FOXP2: variants seen among roughly 807,000 people sequenced by gnomAD.
The protein encoded by FOXP2 is forkhead box P2, also known as forkhead box protein P2.
FOXP2 carries 12 observed loss-of-function variants against 115.8 expected under a neutral mutation model. That is an observed-to-expected ratio of 0.10 (90% CI 0.07 to 0.17). The LOEUF is 0.17. Among genes scored for constraint, FOXP2 ranks in the 10% least tolerant of loss-of-function variants. The pLI, the probability that FOXP2 is intolerant of heterozygous loss-of-function variation, is 1.00. For synonymous variants in FOXP2, 328 were observed against 297.7 expected (o/e 1.10, Z -1.05); for missense variants, 629 against 843.5 (o/e 0.75, Z 3.15).
At chr7:114,662,460 A>C (rs1163457590) in intron 14 of FOXP2, among the ~76,000 whole-genome samples, 1 of 152,110 alleles carries the variant, frequency 6.6e-6, no homozygotes, top group Non-Finnish European at 1.5e-5. Context: ...AAGATGGAAC[A>C]TGCTTTCTAG....
intron 1 of FOXP2, among the ~76,000 whole-genome samples, chr7:114,119,345 T>C (rs1409222545): frequency 6.6e-6 from 1 of 152,166 alleles, no homozygotes; most frequent in Non-Finnish European, 1.5e-5. Flanking sequence ...AGCTAGGTTG[T>C]CTGATCATGG....
chr7:114,490,134 G>A (rs1420915027), intron 2 of FOXP2, among the ~76,000 whole-genome samples: 1 of 151,968 alleles, frequency 6.6e-6, no homozygotes, highest in Non-Finnish European at 1.5e-5. Flanking sequence ...TTTATAGTAG[G>A]GTTAATTATA....
At chr7:114,329,819 G>T (rs1462275635) in intron 2 of FOXP2, among the ~76,000 whole-genome samples, 1 of 151,948 alleles carries the variant, frequency 6.6e-6, no homozygotes, top group East Asian at 1.9e-4. Flanking sequence ...TGGGATTACA[G>T]GCACGTGCCA....
chr7:114,496,279 T>C (rs1392637230), intron 2 of FOXP2, among the ~76,000 whole-genome samples: 1 of 152,172 alleles, frequency 6.6e-6, no homozygotes, highest in Non-Finnish European at 1.5e-5. Context: ...AATTTACTAC[T>C]AACATAATAC....
Position 114,476,389 on chromosome 7 carries a change from A to T in FOXP2, c.168+49710A>T, listed in dbSNP as rs180757382. ...TTATTGAATAGGGAGTTCTTTTCCC[A>T]TGCTTATTTTTGTTGACTTTGTTGA... On this transcript the variant is annotated intron_variant, in intron 2 of 16. Coordinates refer to ENST00000350908, the MANE Select transcript of FOXP2 (RefSeq NM_014491.4). 6.6e-5 allele frequency among the ~76,000 whole-genome samples: 10 copies of T among 151,974 alleles called. No individual in the cohort carries two copies. In the East Asian group the frequency reaches 1.9e-3, roughly 29 times the overall value.
intron 1 of FOXP2, among the ~76,000 whole-genome samples, chr7:114,285,113 A>G (rs879477740): frequency 2.6e-5 from 4 of 152,170 alleles, no homozygotes; most frequent in Non-Finnish European, 5.9e-5. Flanking sequence ...AATAGTCTGT[A>G]TAAGAAGTCC....
At chr7:114,337,879 T>C (rs1035116590) in intron 2 of FOXP2, among the ~76,000 whole-genome samples, 1 of 151,248 alleles carries the variant, frequency 6.6e-6, no homozygotes, top group Non-Finnish European at 1.5e-5. Flanking sequence ...GTCCACACTC[T>C]TTCATAACCA....
At position 114,465,031 on chromosome 7, in the gene FOXP2, G is replaced by A. The variant is rs149756869; in HGVS notation, c.168+38352G>A. On this transcript the variant is annotated intron_variant, in intron 2 of 16. Coordinates refer to ENST00000350908, the MANE Select transcript of FOXP2 (RefSeq NM_014491.4). ...TTTTCCATCTATTTCACATTATATG[G>A]ATACTGTCTTAGAAGATGTGGACAT... is the stretch of plus-strand genomic sequence containing the variant. Among the ~76,000 whole-genome samples the A allele has an allele frequency of 5.9e-3, 892 of 152,182 alleles. 7 individuals carry two copies. Among genetic ancestry groups the A allele is most frequent in the African/African-American group, 0.02 (828 of 41,498 alleles).
intron 2 of FOXP2, among the ~76,000 whole-genome samples, chr7:114,455,550 G>A (rs1795280147): frequency 6.6e-6 from 1 of 152,158 alleles, no homozygotes; most frequent in Non-Finnish European, 1.5e-5. Flanking sequence ...TTTGGGGAAA[G>A]TAACAGCATA....
intron 1 of FOXP2, among the ~76,000 whole-genome samples, chr7:114,203,980 GT>G (rs1794139835): frequency 6.6e-6 from 1 of 151,930 alleles, no homozygotes; most frequent in African/African-American, 2.4e-5. Flanking sequence ...ATATGTACAT[GT>G]TTTTAAAAAA....
rs1297420552 is a variant in FOXP2, at chr7:114,328,503, T to G, written c.-11+40394T>G. On this transcript the variant is annotated intron_variant, in intron 2 of 17. Transcript: ENST00000634411. ...CGCCTGCCTCGGCCTCCCAGAGTGC[T>G]GGGATTACAGGCGTGAGCCACCGCG... Among the ~76,000 whole-genome samples, 4 of 152,106 alleles carry G rather than the reference T, an allele frequency of 2.6e-5. No homozygotes were observed. In the East Asian group the frequency reaches 7.7e-4, roughly 29 times the overall value.
chr7:114,514,093 A>G (rs1798209359), intron 2 of FOXP2, among the ~76,000 whole-genome samples: 1 of 43,616 alleles, frequency 2.3e-5, no homozygotes, highest in South Asian at 7.1e-4. Context: ...TTATACACAC[A>G]CACACACACA....
intron 2 of FOXP2, among the ~76,000 whole-genome samples, chr7:114,514,660 C>T (rs1798240530): frequency 6.6e-6 from 1 of 151,316 alleles, no homozygotes; most frequent in Non-Finnish European, 1.5e-5. Flanking sequence ...TAGGAGCTCA[C>T]ATATTTCTTT....
intron 3 of FOXP2, among the ~76,000 whole-genome samples, chr7:114,558,440 G>A (rs879907990): frequency 6.6e-6 from 1 of 152,116 alleles, no homozygotes; most frequent in African/African-American, 2.4e-5. Context: ...GAAATCTGAA[G>A]TTCACAAAAG....
chr7:114,176,298 T>TCTCTCTCTCTCTCTCTCTCTCTCTC (rs1554426475), intron 1 of FOXP2, among the ~76,000 whole-genome samples: 1 of 76,514 alleles, frequency 1.3e-5, no homozygotes, highest in African/African-American at 5.4e-5. Flanking sequence ...CTTTCTTTCT[T>TCTCTCTCTCTCTCTCTCTCTCTCTC]TCTCTCTCTC....
chr7:114,274,802 T>A (rs1345862583), intron 1 of FOXP2, among the ~76,000 whole-genome samples: 2 of 151,156 alleles, frequency 1.3e-5, no homozygotes, highest in African/African-American at 4.9e-5. Flanking sequence ...GTTTTTTGTT[T>A]GTTTGTTTTT....
chr7:114,640,210 G>A (rs1290771772), intron 6 of FOXP2, among the ~76,000 whole-genome samples: 1 of 152,154 alleles, frequency 6.6e-6, no homozygotes, highest in Non-Finnish European at 1.5e-5. Context: ...TGTCAGAAGA[G>A]TTTCAGAATT....
At chr7:114,310,426 C>T (rs1797120881) in intron 2 of FOXP2, among the ~76,000 whole-genome samples, 1 of 152,162 alleles carries the variant, frequency 6.6e-6, no homozygotes, top group Admixed American at 6.5e-5. Context: ...TTGACCCTAC[C>T]CTCAAATGGG....
chr7:114,116,661 G>A (rs1027755639), intron 1 of FOXP2, among the ~76,000 whole-genome samples: 1 of 152,046 alleles, frequency 6.6e-6, no homozygotes, highest in Non-Finnish European at 1.5e-5. Flanking sequence ...AAAAGCTGGA[G>A]GTTAGATAAG....
Sources: gnomAD v4.1 joint callset for allele counts (sites outside exome capture counted in the v4.1 genomes callset) on GRCh38, gnomAD v4.1.1 for gene constraint, MANE v1.5 for transcripts, NCBI Gene and HGNC (gene_info 2026-07-23, HGNC 2026-07-21) for gene names.